ITGA4: variants seen among roughly 807,000 people sequenced by gnomAD.
ITGA4 encodes integrin alpha-4.
Under a neutral mutation model 133.6 loss-of-function variants are expected in ITGA4, and 63 were observed. The observed-to-expected ratio is 0.47, with a 90% CI of 0.38 to 0.58. The LOEUF (loss-of-function observed/expected upper bound fraction) is 0.58, where lower values mean the gene tolerates loss of function less well. Among genes scored for constraint, ITGA4 ranks in the 20% least tolerant of loss-of-function variants. ITGA4 has a pLI of 0.00. For synonymous variants in ITGA4, 483 were observed against 438.0 expected (o/e 1.10, Z -1.28); for missense variants, 1,076 against 1,252.7 (o/e 0.86, Z 2.13).
rs548280485 is a variant in ITGA4, at chr2:181,463,996, G to A, written c.319+5679G>A. Among the ~76,000 whole-genome samples the A allele has an allele frequency of 9.2e-5, 14 of 152,188 alleles. No homozygotes were observed. The East Asian group carries it at 2.1e-3, about 23-fold the overall frequency. ...CCCATCTCAAACTACTAGAATCTCTGGGGTAAGTCTATAGGGCACCAGTAG... is the reference window on the plus strand; with the variant it reads ...CCCATCTCAAACTACTAGAATCTCTAGGGTAAGTCTATAGGGCACCAGTAG... On this transcript the variant is annotated intron_variant, in intron 2 of 27. Coordinates refer to ENST00000397033, the MANE Select transcript of ITGA4 (RefSeq NM_000885.6).
At position 181,482,668 on chromosome 2, in the gene ITGA4, C is replaced by T. The variant is rs1685833717; in HGVS notation, c.1041+17C>T. 1.2e-6 allele frequency: 2 copies of T among 1,609,572 alleles called. No individual in the cohort carries two copies. Among genetic ancestry groups the T allele is most frequent in the East Asian group, 4.5e-5 (2 of 44,832 alleles). On this transcript the variant is annotated intron_variant, in intron 9 of 27. Coordinates refer to ENST00000397033, the MANE Select transcript of ITGA4 (RefSeq NM_000885.6). ...TCTGGCTCGGTATGTCCAAGTGCCC[C>T]AACTGGAAGCCATTTATGGAATTAT...
At chr2:181,518,134 A>G (rs1490186950) in intron 17 of ITGA4, among the ~76,000 whole-genome samples, 1 of 152,036 alleles carries the variant, frequency 6.6e-6, no homozygotes, top group Admixed American at 6.6e-5. Context: ...GCAGATTCAT[A>G]CTACTTAACC....
At chr2:181,525,342 C>G in intron 21 of ITGA4, 51 bp downstream of exon 21, 1 of 965,224 alleles carries the variant, frequency 1.0e-6, no homozygotes, top group Non-Finnish European at 1.6e-6. Context: ...TTTACAGTTT[C>G]CTTGCTTCTT....
chr2:181,504,555 T>C (rs1242232125), intron 15 of ITGA4, among the ~76,000 whole-genome samples: 1 of 152,084 alleles, frequency 6.6e-6, no homozygotes, highest in Non-Finnish European at 1.5e-5. Flanking sequence ...GACATTTCTG[T>C]GGAAAATCTA....
chr2:181,511,721 C>A lies in ITGA4; in HGVS notation c.1868C>A (p.Ala623Asp). Residue 623 changes from alanine to aspartate, a missense_variant, in exon 17 of 28, where the codon GCC becomes GAC. Ala to Asp is a moderately radical substitution (Grantham distance 126, BLOSUM62 -2). Transcript: ENST00000397033. ...KKTINFARFC[A>D]HENCSADLQV... is the part of the protein sequence containing the mutation. ...CAGATAAACTTTGCAAGGTTTTGTGCCCATGAAAATTGTTCTGCTGATTTA... is the reference window on the plus strand; with the variant it reads ...CAGATAAACTTTGCAAGGTTTTGTGACCATGAAAATTGTTCTGCTGATTTA... 1 of 1,597,250 alleles carries A rather than the reference C, an allele frequency of 6.3e-7. No individual in the cohort carries two copies.
chr2:181,508,960 T>C (rs1300791993), intron 15 of ITGA4, among the ~76,000 whole-genome samples: 2 of 150,520 alleles, frequency 1.3e-5, no homozygotes, highest in Non-Finnish European at 3.0e-5. Context: ...CTGGGAAACA[T>C]TGAAAGACCC....
chr2:181,503,741 G>T (rs187672546), intron 15 of ITGA4, among the ~76,000 whole-genome samples: 1 of 151,938 alleles, frequency 6.6e-6, no homozygotes, highest in African/African-American at 2.4e-5. Context: ...ATATCTTTTA[G>T]TGTTTTATCT....
intron 2 of ITGA4, among the ~76,000 whole-genome samples, chr2:181,472,277 CA>C (rs1258915509): frequency 3.3e-5 from 5 of 152,202 alleles, no homozygotes; most frequent in Non-Finnish European, 7.3e-5. Context: ...ACTATTTTTG[CA>C]CATAATTTTT....
chr2:181,461,936 A>G (rs1685290569), intron 2 of ITGA4, among the ~76,000 whole-genome samples: 1 of 152,156 alleles, frequency 6.6e-6, no homozygotes, highest in Non-Finnish European at 1.5e-5. Flanking sequence ...AATTTTTATG[A>G]TATATATTGA....
At chr2:181,486,489 T>C (rs155104) in intron 10 of ITGA4, among the ~76,000 whole-genome samples, 89,291 of 152,056 alleles carry the variant, frequency 0.59, 26,273 homozygotes, top group Admixed American at 0.65. Flanking sequence ...GCATTCCCTA[T>C]AGCTATGTTG....
chr2:181,521,767 C>T (rs1039754773), intron 17 of ITGA4, among the ~76,000 whole-genome samples: 1 of 152,118 alleles, frequency 6.6e-6, no homozygotes, highest in Non-Finnish European at 1.5e-5. Flanking sequence ...TCTTTTCTAC[C>T]AGTTCCTTCC....
intron 5 of ITGA4, chr2:181,479,459 TA>T (rs1685754189): frequency 6.7e-6 from 1 of 149,772 alleles, no homozygotes; most frequent in Non-Finnish European, 1.5e-5. Context: ...ACAGTTATAT[TA>T]AAATGCTTAC....
chr2:181,472,510 A>G (rs1293406292), intron 2 of ITGA4, among the ~76,000 whole-genome samples: 1 of 152,212 alleles, frequency 6.6e-6, no homozygotes, highest in Non-Finnish European at 1.5e-5. Flanking sequence ...TGTTGACTAT[A>G]AATTCATAAA....
At chr2:181,457,375 C>G, upstream of ITGA4, 1 of 390,024 alleles carries the variant, frequency 2.6e-6, no homozygotes, top group South Asian at 2.8e-5. Context: ...ACCCAGCGGC[C>G]CGTACCCGGA....
chr2:181,538,160 ATT>A lies in ITGA4; in HGVS notation c.*2635_*2636del. On this transcript the variant is annotated 3_prime_UTR_variant, in exon 28 of 28. Coordinates refer to ENST00000397033, the MANE Select transcript of ITGA4 (RefSeq NM_000885.6). ...TTTATATTAAAATTCTAGTTTGTAC[ATT>A]TCTTTTAGAAACAATTACATGTTAC... 2.0e-6 allele frequency: 3 copies of A among 1,467,174 alleles called. No homozygotes were observed. The highest frequency in any genetic ancestry group is 2.9e-6 in the Non-Finnish European group (3 of 1,048,890). 90.9% of individuals were successfully genotyped at this position (1,467,174 alleles called of 1,614,324 possible). A position where few individuals can be genotyped will look rare whatever the true frequency, so the allele number is the denominator to read the frequency against.
In ITGA4 at chr2:181,536,505, T is replaced by A. The variant is rs554318258; in HGVS notation, c.*978T>A. On this transcript the variant is annotated 3_prime_UTR_variant, in exon 28 of 28. Coordinates refer to ENST00000397033, the MANE Select transcript of ITGA4 (RefSeq NM_000885.6). ...TATGTACTATGTAAAATATTGACTATCACACAACTATTTCCTTGGATGTAA... is the reference window on the plus strand; with the variant it reads ...TATGTACTATGTAAAATATTGACTAACACACAACTATTTCCTTGGATGTAA... Among the ~76,000 whole-genome samples, 5 of 152,184 alleles carry A rather than the reference T, an allele frequency of 3.3e-5. No homozygotes were observed. The highest frequency in any genetic ancestry group is 1.2e-4 in the African/African-American group (5 of 41,560).
intron 6 of ITGA4, among the ~76,000 whole-genome samples, chr2:181,480,562 G>A (rs1685779453): frequency 6.6e-6 from 1 of 152,128 alleles, no homozygotes; most frequent in African/African-American, 2.4e-5. Context: ...CTATCTCTAT[G>A]TAGTCAACTG....
intron 2 of ITGA4, among the ~76,000 whole-genome samples, chr2:181,470,546 C>G (rs188688031): frequency 6.6e-6 from 1 of 152,096 alleles, no homozygotes; most frequent in Non-Finnish European, 1.5e-5. Flanking sequence ...GTACTGGTTT[C>G]AAACTCCCTT....
Position 181,482,624 on chromosome 2 carries a change from A to G in ITGA4, c.1014A>G (p.Arg338=). The stretch of plus-strand genomic sequence containing the variant: ...AGAGCACCATCAGAGAGGAAGGAAG[A>G]GTGTTTGTGTACATCAACTCTGGCT... ...PMQSTIREEG[R]VFVYINSGSG... Residue 338 remains arginine (R), a synonymous_variant, in exon 9 of 28, where the codon AGA becomes AGG. Coordinates refer to ENST00000397033, the MANE Select transcript of ITGA4 (RefSeq NM_000885.6). The G allele has an allele frequency of 6.2e-7, 1 of 1,613,712 alleles. No individual in the cohort carries two copies. Among genetic ancestry groups the G allele is most frequent in the Non-Finnish European group, 8.5e-7 (1 of 1,179,694 alleles).
Sources: allele counts gnomAD v4.1 joint callset (sites outside exome capture counted in the v4.1 genomes callset), GRCh38; gene constraint gnomAD v4.1.1; transcripts MANE v1.5; gene names NCBI Gene and HGNC (gene_info 2026-07-23, HGNC 2026-07-21).